CRYL1: variants seen among roughly 807,000 people sequenced by gnomAD.
CRYL1 encodes lambda-crystallin homolog.
A neutral mutation model predicts 36.6 loss-of-function variants in CRYL1; 29 were observed. The observed-to-expected ratio is 0.79, with a 90% CI of 0.59 to 1.08. CRYL1 has a LOEUF of 1.08. Ranked by LOEUF, CRYL1 falls within the 50% of genes least tolerant of loss-of-function variation. The pLI, the probability that CRYL1 is intolerant of heterozygous loss-of-function variation, is 0.00. For missense variants in CRYL1, 411 were observed against 407.9 expected, an observed-to-expected ratio of 1.01 and a Z score of -0.06; for synonymous variants, 152 against 151.5, an observed-to-expected ratio of 1.00 and a Z score of -0.02.
rs192425623 is a variant in CRYL1 at position 20,469,737 on chromosome 13, G to A, written c.276+19633C>T. Among the ~76,000 whole-genome samples the A allele has an allele frequency of 2.0e-5, 3 of 152,318 alleles. No homozygotes were observed. The East Asian group carries it at 5.8e-4, about 29-fold the overall frequency. ...TCTTCCTATGGCTTGCTTAGGAGAA[G>A]GAGGAACCCAAAGCCCCAGGAAACC... On this transcript the variant is annotated intron_variant, in intron 3 of 7. Transcript: ENST00000298248.
intron 2 of CRYL1, among the ~76,000 whole-genome samples, chr13:20,501,312 A>C (rs1362533028): frequency 1.3e-5 from 2 of 152,210 alleles, no homozygotes; most frequent in Non-Finnish European, 2.9e-5. Context: ...TTACCCAGCT[A>C]TGAAGGCTGA....
Position 20,415,850 on chromosome 13 carries a change from G to A in CRYL1, c.634-2463C>T, listed in dbSNP as rs1335869801. On this transcript the variant is annotated intron_variant, in intron 5 of 7. Transcript: ENST00000298248. The surrounding 1 kb of genome is among the most constrained non-coding windows in gnomAD (Gnocchi z 4.1). ...TCCTGTAAGTGGAATCACTGAGCGC[G>A]CGTTCTTTCGTGACTTGTCTCTCAC... is the stretch of plus-strand genomic sequence containing the variant. Among the ~76,000 whole-genome samples, 1 of 152,074 alleles carries A rather than the reference G, an allele frequency of 6.6e-6. No individual in the cohort carries two copies. Among genetic ancestry groups the A allele is most frequent in the Non-Finnish European group, 1.5e-5 (1 of 68,036 alleles).
Position 20,470,925 on chromosome 13 carries a change from A to C in CRYL1, c.276+18445T>G, listed in dbSNP as rs1197455359. 5.4e-4 allele frequency among the ~76,000 whole-genome samples: 81 copies of C among 148,706 alleles called. 1 individual carries two copies. Among genetic ancestry groups the C allele is most frequent in the African/African-American group, 1.9e-3 (73 of 39,054 alleles). ...AACTCCATCTCAAAAAAAAAAAAAAAACAAAAAAAAAAACCCATGACACAC... is the reference window on the plus strand; with the variant it reads ...AACTCCATCTCAAAAAAAAAAAAAACACAAAAAAAAAAACCCATGACACAC... On this transcript the variant is annotated intron_variant, in intron 3 of 7. Coordinates refer to ENST00000298248, the MANE Select transcript of CRYL1 (RefSeq NM_015974.3).
chr13:20,490,584 T>C (rs1209790742), intron 2 of CRYL1, among the ~76,000 whole-genome samples: 1 of 152,046 alleles, frequency 6.6e-6, no homozygotes, highest in Non-Finnish European at 1.5e-5. Context: ...TAAGGGAAAT[T>C]TTATTACATA....
At chr13:20,433,026 T>C (rs1423192237) in intron 4 of CRYL1, among the ~76,000 whole-genome samples, 1 of 151,978 alleles carries the variant, frequency 6.6e-6, no homozygotes, top group Non-Finnish European at 1.5e-5. Context: ...AAAAATAAAT[T>C]ATTAGCAGTG....
intron 3 of CRYL1, among the ~76,000 whole-genome samples, chr13:20,480,104 C>T (rs1416628489): frequency 1.3e-5 from 2 of 152,172 alleles, no homozygotes; most frequent in South Asian, 2.1e-4. Context: ...AAAAAATGCA[C>T]GGCCAGGCAT....
chr13:20,524,540 G>A (rs758737228), intron 1 of CRYL1, among the ~76,000 whole-genome samples: 1 of 152,064 alleles, frequency 6.6e-6, no homozygotes, highest in Non-Finnish European at 1.5e-5. Flanking sequence ...ACTACGCCCG[G>A]CTAATTTTGT....
chr13:20,499,794 C>T (rs1218818853), intron 2 of CRYL1, among the ~76,000 whole-genome samples: 1 of 152,076 alleles, frequency 6.6e-6, no homozygotes, highest in Non-Finnish European at 1.5e-5. Context: ...AATATGTTGT[C>T]AGTAATAATT....
intron 3 of CRYL1, among the ~76,000 whole-genome samples, chr13:20,450,219 A>G (rs2032540440): frequency 6.6e-6 from 1 of 152,226 alleles, no homozygotes; most frequent in African/African-American, 2.4e-5. Flanking sequence ...ACCAAACAGC[A>G]TGATATTGAT....
At chr13:20,459,093 G>T (rs2032747541) in intron 3 of CRYL1, among the ~76,000 whole-genome samples, 1 of 151,984 alleles carries the variant, frequency 6.6e-6, no homozygotes, top group South Asian at 2.1e-4. Flanking sequence ...AAAATTAGCT[G>T]GGCGTGGTGG....
At chr13:20,422,360 CAAAAAAAA>C (rs34813385) in intron 5 of CRYL1, among the ~76,000 whole-genome samples, 1 of 129,898 alleles carries the variant, frequency 7.7e-6, no homozygotes, top group Non-Finnish European at 1.6e-5. Flanking sequence ...ATTCCATTTC[CAAAAAAAA>C]AAAAAAAAGT....
At chr13:20,515,372 T>G (rs1565990882) in intron 1 of CRYL1, among the ~76,000 whole-genome samples, 1 of 152,204 alleles carries the variant, frequency 6.6e-6, no homozygotes, top group South Asian at 2.1e-4. Context: ...TAAACATGCT[T>G]TGACAACCAA....
chr13:20,502,813 TG>T (rs1312373443), intron 2 of CRYL1, among the ~76,000 whole-genome samples: 2 of 152,094 alleles, frequency 1.3e-5, no homozygotes, highest in Non-Finnish European at 2.9e-5. Flanking sequence ...GGTTAAAAAA[TG>T]GGGTACTTTG....
intron 5 of CRYL1, among the ~76,000 whole-genome samples, chr13:20,421,222 A>G (rs2031804874): frequency 6.6e-6 from 1 of 152,204 alleles, no homozygotes; most frequent in Admixed American, 6.5e-5. Flanking sequence ...ACAGTATTAT[A>G]GAGTTTGAAA....
chr13:20,467,774 T>C (rs754845946), intron 3 of CRYL1, among the ~76,000 whole-genome samples: 2 of 152,104 alleles, frequency 1.3e-5, no homozygotes, highest in African/African-American at 2.4e-5. Context: ...TGAGCCGAGA[T>C]TGGGCTGGAA....
At chr13:20,507,724 C>A (rs772920256) in intron 2 of CRYL1, among the ~76,000 whole-genome samples, 1 of 151,974 alleles carries the variant, frequency 6.6e-6, no homozygotes, top group Non-Finnish European at 1.5e-5. Flanking sequence ...CGAGACCATC[C>A]TGGCTAACAC....
Position 20,481,321 on chromosome 13 carries a change from AG to A in CRYL1, c.276+8048del, listed in dbSNP as rs1228352580. Among the ~76,000 whole-genome samples the A allele has an allele frequency of 6.6e-6, 1 of 152,250 alleles. No individual in the cohort carries two copies. Among genetic ancestry groups the A allele is most frequent in the Non-Finnish European group, 1.5e-5 (1 of 68,046 alleles). On this transcript the variant is annotated intron_variant, in intron 3 of 7. Transcript: ENST00000298248. The surrounding 1 kb of genome is among the most constrained non-coding windows in gnomAD (Gnocchi z 4.1). Reference sequence around the variant, plus strand: ...CGTCAAATTCATTTTACTCTGTGAAAGAAACCAAACTCAAAAGGCTGCATCA... The same window carrying A: ...CGTCAAATTCATTTTACTCTGTGAAAAAACCAAACTCAAAAGGCTGCATCA...
intron 2 of CRYL1, among the ~76,000 whole-genome samples, chr13:20,502,118 A>T (rs1260752922): frequency 6.6e-6 from 1 of 152,126 alleles, no homozygotes; most frequent in Non-Finnish European, 1.5e-5. Flanking sequence ...ATCTCCAAAG[A>T]CTACCTCCAG....
intron 3 of CRYL1, among the ~76,000 whole-genome samples, chr13:20,457,286 T>C (rs117183511): frequency 0.029 from 4,349 of 152,286 alleles, 90 homozygotes; most frequent in Middle Eastern, 0.054. Context: ...TAATCCCTTA[T>C]TACCAGTTAA....
Sources: gnomAD v4.1 joint callset for allele counts (sites outside exome capture counted in the v4.1 genomes callset) on GRCh38, gnomAD v4.1.1 for gene constraint, Gnocchi (gnomAD v3.1) non-coding constraint, MANE v1.5 for transcripts, NCBI Gene and HGNC (gene_info 2026-07-23, HGNC 2026-07-21) for gene names.